CDH20: variants seen among roughly 807,000 people sequenced by gnomAD.
The protein encoded by CDH20 is cadherin 20.
CDH20 carries 29 observed loss-of-function variants against 74.2 expected under a neutral mutation model. That is an observed-to-expected ratio of 0.39 (90% CI 0.29 to 0.53). The LOEUF is 0.53. Among genes scored for constraint, CDH20 ranks in the 20% least tolerant of loss-of-function variants. The probability of loss-of-function intolerance (pLI) is 0.69; values close to 1 mark genes in which losing one functional copy is unlikely to be tolerated. For missense variants in CDH20, 988 were observed against 1,048.3 expected, an observed-to-expected ratio of 0.94 and a Z score of 0.79; for synonymous variants, 469 against 405.4, an observed-to-expected ratio of 1.16 and a Z score of -1.88.
chr18:61,481,340 T>C (rs1186393433), intron 1 of CDH20, among the ~76,000 whole-genome samples: 7 of 152,228 alleles, frequency 4.6e-5, no homozygotes, highest in Non-Finnish European at 4.4e-5. Flanking sequence ...CGTGATAATC[T>C]GTAATACTCC....
At chr18:61,529,630 C>T (rs565113274) in intron 7 of CDH20, among the ~76,000 whole-genome samples, 1 of 152,218 alleles carries the variant, frequency 6.6e-6, no homozygotes, top group African/African-American at 2.4e-5. Flanking sequence ...GAAAACAAAA[C>T]ATTGTGTGTA....
chr18:61,538,554 C>A (rs1912887240), intron 8 of CDH20, among the ~76,000 whole-genome samples: 1 of 151,036 alleles, frequency 6.6e-6, no homozygotes, highest in Non-Finnish European at 1.5e-5. Context: ...CCTTTCAAAT[C>A]CAGACTCACC....
intron 1 of CDH20, chr18:61,404,789 A>AG (rs1912273622): frequency 3.1e-6 from 1 of 320,974 alleles, no homozygotes; most frequent in Admixed American, 6.3e-5. Flanking sequence ...TTAAAAAAAA[A>AG]TTGTCAACTT....
At chr18:61,350,387 C>T (rs896203170) in intron 1 of CDH20, among the ~76,000 whole-genome samples, 2 of 152,012 alleles carry the variant, frequency 1.3e-5, no homozygotes, top group African/African-American at 4.8e-5. Flanking sequence ...TTAATAATCA[C>T]CTTGGTTGTA....
chr18:61,554,042 C>A lies in CDH20; in HGVS notation c.1901-148C>A, dbSNP rs1599166376. On this transcript the variant is annotated intron_variant, in intron 11 of 11. Coordinates refer to ENST00000262717, the MANE Select transcript of CDH20 (RefSeq NM_031891.4). The stretch of plus-strand genomic sequence containing the variant: ...GACAAAGTGGACTTAAATTAGAACT[C>A]CCCGAGGTTTCAGATATCCAAAAGC... The A allele has an allele frequency of 4.7e-6, 4 of 854,652 alleles. No homozygotes were observed. In the East Asian group the frequency reaches 1.1e-4, roughly 23 times the overall value. The allele number at this position is 854,652 out of a possible 1,614,324, so 52.9% of individuals were successfully genotyped here.
intron 1 of CDH20, among the ~76,000 whole-genome samples, chr18:61,372,424 T>G (rs934017795): frequency 6.6e-6 from 1 of 152,108 alleles, no homozygotes; most frequent in Non-Finnish European, 1.5e-5. Context: ...TATTTCAGCA[T>G]GTAAATACTC....
At chr18:61,423,600 G>A (rs925125734) in intron 1 of CDH20, among the ~76,000 whole-genome samples, 2 of 151,016 alleles carry the variant, frequency 1.3e-5, no homozygotes, top group African/African-American at 4.9e-5. Context: ...TAATTTAATA[G>A]ATCTATGCTA....
At chr18:61,362,259 TC>T (rs1910717431) in intron 1 of CDH20, among the ~76,000 whole-genome samples, 1 of 152,224 alleles carries the variant, frequency 6.6e-6, no homozygotes, top group South Asian at 2.1e-4. Flanking sequence ...AATTCTTTTT[TC>T]TTTATATGTG....
At chr18:61,531,080 C>G (rs1912619204) in intron 7 of CDH20, among the ~76,000 whole-genome samples, 1 of 151,838 alleles carries the variant, frequency 6.6e-6, no homozygotes, top group Non-Finnish European at 1.5e-5. Context: ...GTATCTACAC[C>G]TTTAATTTTT....
At chr18:61,503,784 T>C (rs1427029236) in intron 5 of CDH20, among the ~76,000 whole-genome samples, 1 of 152,204 alleles carries the variant, frequency 6.6e-6, no homozygotes, top group Non-Finnish European at 1.5e-5. Flanking sequence ...TGCAAGATGA[T>C]GCCTTCACAC....
At chr18:61,451,489 T>C (rs888697658) in intron 1 of CDH20, among the ~76,000 whole-genome samples, 1 of 152,120 alleles carries the variant, frequency 6.6e-6, no homozygotes, top group South Asian at 2.1e-4. Flanking sequence ...TCAGTGACTA[T>C]GTCGATAGCT....
At chr18:61,528,481 A>ACACACACACACACACACCCC (rs755504850) in intron 7 of CDH20, among the ~76,000 whole-genome samples, 1 of 149,238 alleles carries the variant, frequency 6.7e-6, no homozygotes, top group East Asian at 2.0e-4. Flanking sequence ...ACACACACAC[A>ACACACACACACACACACCCC]CCCCTTAGTT....
intron 9 of CDH20, among the ~76,000 whole-genome samples, chr18:61,543,653 G>C (rs548246151): frequency 6.6e-6 from 1 of 152,258 alleles, no homozygotes; most frequent in Non-Finnish European, 1.5e-5. Context: ...TCTGACTCTT[G>C]TCTGTTCTGC....
chr18:61,530,285 C>T (rs530015486), intron 7 of CDH20, among the ~76,000 whole-genome samples: 1 of 152,308 alleles, frequency 6.6e-6, no homozygotes, highest in African/African-American at 2.4e-5. Flanking sequence ...GCACTTAAAA[C>T]TCAATGAACT....
chr18:61,512,862 G>A (rs916175434), intron 6 of CDH20, among the ~76,000 whole-genome samples: 1 of 152,166 alleles, frequency 6.6e-6, no homozygotes, highest in African/African-American at 2.4e-5. Context: ...ACTGTGGTCT[G>A]AGAGACAGTT....
chr18:61,419,869 T>C (rs1344693926), intron 1 of CDH20, among the ~76,000 whole-genome samples: 2 of 152,194 alleles, frequency 1.3e-5, no homozygotes, highest in Non-Finnish European at 2.9e-5. Context: ...TCTGAGCTAA[T>C]AGATCTTAAT....
chr18:61,459,519 G>C (rs973079286), intron 1 of CDH20, among the ~76,000 whole-genome samples: 1 of 152,136 alleles, frequency 6.6e-6, no homozygotes, highest in Admixed American at 6.5e-5. Flanking sequence ...CAGGTGTTGG[G>C]AGAAAGTCTG....
chr18:61,465,594 T>TG (rs1337826458), intron 1 of CDH20, among the ~76,000 whole-genome samples: 62 of 105,082 alleles, frequency 5.9e-4, no homozygotes, highest in African/African-American at 2.8e-3. Flanking sequence ...AAGAATTACA[T>TG]GGGGAAAAAA....
chr18:61,360,630 G>A (rs936394198), intron 1 of CDH20, among the ~76,000 whole-genome samples: 4 of 152,208 alleles, frequency 2.6e-5, no homozygotes, highest in South Asian at 4.1e-4. Context: ...TTGTGGCACT[G>A]AGTCAGACCT....
Sources: gnomAD v4.1 joint callset for allele counts (sites outside exome capture counted in the v4.1 genomes callset) on GRCh38, gnomAD v4.1.1 for gene constraint, MANE v1.5 for transcripts, NCBI Gene and HGNC (gene_info 2026-07-23, HGNC 2026-07-21) for gene names.